The following POLR3H variants were observed in gnomAD, a reference collection of about 807,000 sequenced individuals.
POLR3H encodes the protein DNA-directed RNA polymerase III subunit RPC8.
A neutral mutation model predicts 25.5 loss-of-function variants in POLR3H; 17 were observed. That is an observed-to-expected ratio of 0.67 (90% CI 0.46 to 1.00). The LOEUF (loss-of-function observed/expected upper bound fraction) is 1.00. Among genes scored for constraint, POLR3H ranks in the 50% least tolerant of loss-of-function variants. The pLI is 0.00. For missense variants in POLR3H, 274 were observed against 265.0 expected (o/e 1.03, Z -0.24); for synonymous variants, 129 against 103.0 (o/e 1.25, Z -1.53).
chr22:41,527,455 C>A lies in POLR3H; in HGVS notation c.*1828G>T, dbSNP rs765974455. The A allele has an allele frequency of 6.3e-7, 1 of 1,579,508 alleles. No individual in the cohort carries two copies. Among genetic ancestry groups the A allele is most frequent in the Non-Finnish European group, 8.6e-7 (1 of 1,162,930 alleles). ...AGTCTGTACCCAGGCCATCCTCATCCCATCCCTAGTGATCAAGGTCACTCT... is the reference window on the plus strand; with the variant it reads ...AGTCTGTACCCAGGCCATCCTCATCACATCCCTAGTGATCAAGGTCACTCT... On this transcript the variant is annotated 3_prime_UTR_variant, in exon 6 of 6. Transcript: ENST00000355209.
Position 41,527,698 on chromosome 22 carries a change from G to A in POLR3H, c.*1585C>T. 1 of 835,746 alleles carries A rather than the reference G, an allele frequency of 1.2e-6. No homozygotes were observed. Among genetic ancestry groups the A allele is most frequent in the Admixed American group, 2.9e-5 (1 of 34,694 alleles). The allele number at this position is 835,746 out of a possible 1,614,324, so 51.8% of individuals were successfully genotyped here. ...TCTGATCATGAATGTGCAGCAGGAA[G>A]GCCTCGCAGACCTCAGCACCAGCGC... is the stretch of plus-strand genomic sequence containing the variant. On this transcript the variant is annotated 3_prime_UTR_variant, in exon 6 of 6. Coordinates refer to ENST00000355209, the MANE Select transcript of POLR3H (RefSeq NM_001018050.4).
At chr22:41,531,822 C>T (rs1033618867) in intron 4 of POLR3H, among the ~76,000 whole-genome samples, 1 of 152,240 alleles carries the variant, frequency 6.6e-6, no homozygotes, top group Admixed American at 6.5e-5. Context: ...TGGTGTCCCC[C>T]AGGACACCAC....
At chr22:41,533,496 G>A (rs1270987178) in intron 2 of POLR3H, 5 of 1,201,628 alleles carry the variant, frequency 4.2e-6, no homozygotes, top group Non-Finnish European at 5.3e-6. Context: ...TAGCCATGGG[G>A]AGACACCTGG....
At position 41,529,142 on chromosome 22, in the gene POLR3H, A is replaced by G; in HGVS notation, c.*141T>C. The stretch of plus-strand genomic sequence containing the variant: ...GCCTAGATGGTGGAGGAGCGGGGCA[A>G]GCTGGTGGGCACTCCTGGCCTTGCC... On this transcript the variant is annotated 3_prime_UTR_variant, in exon 6 of 6. Coordinates refer to ENST00000355209, the MANE Select transcript of POLR3H (RefSeq NM_001018050.4). The G allele has an allele frequency of 1.5e-6, 1 of 680,756 alleles. No homozygotes were observed. Among genetic ancestry groups the G allele is most frequent in the Non-Finnish European group, 2.5e-6 (1 of 400,236 alleles). The allele number at this position is 680,756 out of a possible 1,614,324, so 42.2% of individuals were successfully genotyped here.
At chr22:41,537,628 A>C (rs2066869422) in intron 2 of POLR3H, among the ~76,000 whole-genome samples, 2 of 152,222 alleles carry the variant, frequency 1.3e-5, no homozygotes, top group African/African-American at 4.8e-5. Context: ...AGAGAAGCAG[A>C]GGTACCCGCC....
At chr22:41,532,300 C>T in intron 3 of POLR3H, 143 bp from the exon 4 acceptor site, 5 of 805,714 alleles carry the variant, frequency 6.2e-6, no homozygotes, top group Non-Finnish European at 8.2e-6. Flanking sequence ...GCCCCTTCCC[C>T]ACCTAATGCC....
intron 1 of POLR3H, 73 bp downstream of exon 1, chr22:41,543,918 G>A (rs2066973775): frequency 9.3e-7 from 1 of 1,073,758 alleles, no homozygotes; most frequent in Non-Finnish European, 1.4e-6. Context: ...CATGACCGAG[G>A]CCGGGCCTGC....
Position 41,528,122 on chromosome 22 carries a change from T to A in POLR3H, c.*1161A>T. Reference sequence around the variant, plus strand: ...GGGTAGCTTCTCCCAGGAGGCTTCATTCCAGCTGGAAAGGCCCCCAGTTCT... The same window carrying A: ...GGGTAGCTTCTCCCAGGAGGCTTCAATCCAGCTGGAAAGGCCCCCAGTTCT... On this transcript the variant is annotated 3_prime_UTR_variant, in exon 6 of 6. Coordinates refer to ENST00000355209, the MANE Select transcript of POLR3H (RefSeq NM_001018050.4). 1 of 1,540,740 alleles carries A rather than the reference T, an allele frequency of 6.5e-7. No homozygotes were observed. Among genetic ancestry groups the A allele is most frequent in the Non-Finnish European group, 8.8e-7 (1 of 1,139,342 alleles).
At chr22:41,541,673 T>A (rs2066931536) in intron 1 of POLR3H, among the ~76,000 whole-genome samples, 1 of 152,160 alleles carries the variant, frequency 6.6e-6, no homozygotes, top group Non-Finnish European at 1.5e-5. Context: ...AGAAGACTTG[T>A]CCCAACAGGA....
Position 41,529,306 on chromosome 22 carries a change from G to C in POLR3H, c.592C>G (p.Leu198Val). ...GSISEPGLGL[L>V]SWWTSN is the part of the protein sequence containing the mutation. The stretch of plus-strand genomic sequence containing the variant: ...GGCTAGTTGCTGGTCCACCAGGAGA[G>C]AAGGCCCAGGCCTGGCTCACTGATG... Residue 198 changes from leucine (L) to valine (V), a missense_variant, in exon 6 of 6, where the codon CTC becomes GTC. Transcript: ENST00000355209. The C allele has an allele frequency of 5.6e-6, 9 of 1,613,752 alleles. No individual in the cohort carries two copies. Among genetic ancestry groups the C allele is most frequent in the Non-Finnish European group, 7.6e-6 (9 of 1,179,920 alleles).
rs2066597487 is a variant in POLR3H, at chr22:41,526,421, G to A, written c.*2862C>T. The A allele has an allele frequency of 6.2e-7, 1 of 1,613,680 alleles. No homozygotes were observed. Among genetic ancestry groups the A allele is most frequent in the Non-Finnish European group, 8.5e-7 (1 of 1,179,856 alleles). On this transcript the variant is annotated 3_prime_UTR_variant, in exon 6 of 6. Coordinates refer to ENST00000355209, the MANE Select transcript of POLR3H (RefSeq NM_001018050.4). Reference sequence around the variant, plus strand: ...GCGCAATGCCGTCACTCAGGAGTTTGGCCCCGTCCCTGACACTGCCCGCTA... The same window carrying A: ...GCGCAATGCCGTCACTCAGGAGTTTAGCCCCGTCCCTGACACTGCCCGCTA...
Position 41,528,577 on chromosome 22 carries a change from C to T in POLR3H, c.*706G>A, listed in dbSNP as rs779213719. On this transcript the variant is annotated 3_prime_UTR_variant, in exon 6 of 6. Transcript: ENST00000355209. ...CGCAGATTGAGTGGTTCCGCGCTGG[C>T]AGTGCCCTCAACAGAATGAAGGAAC... is the stretch of plus-strand genomic sequence containing the variant. The T allele has an allele frequency of 3.1e-6, 5 of 1,612,742 alleles. No homozygotes were observed. The highest frequency in any genetic ancestry group is 3.4e-6 in the Non-Finnish European group (4 of 1,180,022).
At position 41,525,809 on chromosome 22, in the gene POLR3H, G is replaced by T. The variant is rs2066581652; in HGVS notation, c.*3474C>A. ...GACCAAAAACAAGCCTTTTTGGTGTGGCCAGAGGCCTCCAATCTGTGTCAG... is the reference window on the plus strand; with the variant it reads ...GACCAAAAACAAGCCTTTTTGGTGTTGCCAGAGGCCTCCAATCTGTGTCAG... On this transcript the variant is annotated 3_prime_UTR_variant, in exon 6 of 6. Coordinates refer to ENST00000355209, the MANE Select transcript of POLR3H (RefSeq NM_001018050.4). 4.9e-6 allele frequency: 1 copy of T among 205,036 alleles called. No homozygotes were observed. The highest frequency in any genetic ancestry group is 2.3e-5 in the African/African-American group (1 of 43,034). 12.7% of individuals were successfully genotyped at this position (205,036 alleles called of 1,614,324 possible).
chr22:41,541,110 G>A (rs976075721), intron 1 of POLR3H, among the ~76,000 whole-genome samples: 36 of 152,140 alleles, frequency 2.4e-4, no homozygotes, highest in Non-Finnish European at 2.9e-5. Context: ...TGAAATACCA[G>A]GCTGCAGAGT....
chr22:41,533,667 G>T (rs1477509532), intron 2 of POLR3H: 7 of 1,303,902 alleles, frequency 5.4e-6, no homozygotes, highest in Non-Finnish European at 7.1e-6. Flanking sequence ...ATGAGGAGAG[G>T]CAGCCGATGG....
chr22:41,536,503 C>T (rs2066848668), intron 2 of POLR3H, among the ~76,000 whole-genome samples: 1 of 150,738 alleles, frequency 6.6e-6, no homozygotes. Context: ...TGGTAAATTT[C>T]ATGTTATGTA....
chr22:41,526,934 A>G lies in POLR3H; in HGVS notation c.*2349T>C. On this transcript the variant is annotated 3_prime_UTR_variant, in exon 6 of 6. Transcript: ENST00000355209. ...GGTGGGGCAGAGGGTGCTCCCAGGA[A>G]GGGGGCGCCTTGAGCTTCACAGATG... is the stretch of plus-strand genomic sequence containing the variant. The G allele has an allele frequency of 1.1e-5, 4 of 366,986 alleles. No individual in the cohort carries two copies. The South Asian group carries it at 1.3e-4, about 12-fold the overall frequency. 22.7% of individuals were successfully genotyped at this position (366,986 alleles called of 1,614,324 possible).
intron 2 of POLR3H, among the ~76,000 whole-genome samples, chr22:41,533,249 C>A (rs2066777955): frequency 6.6e-6 from 1 of 152,234 alleles, no homozygotes; most frequent in African/African-American, 2.4e-5. Flanking sequence ...CCCCACTCAC[C>A]TGACTGCAAG....
intron 4 of POLR3H, among the ~76,000 whole-genome samples, 197 bp from the exon 5 acceptor site, chr22:41,531,085 C>T (rs2066722586): frequency 6.6e-6 from 1 of 152,222 alleles, no homozygotes; most frequent in Non-Finnish European, 1.5e-5. Flanking sequence ...GAGGCCAGGA[C>T]CCAGGAAGGG....
Sources: allele counts gnomAD v4.1 joint callset (sites outside exome capture counted in the v4.1 genomes callset), GRCh38; gene constraint gnomAD v4.1.1; transcripts MANE v1.5; gene names NCBI Gene and HGNC (gene_info 2026-07-23, HGNC 2026-07-21).